The following PCBP3 variants were observed in gnomAD, a reference collection of about 807,000 sequenced individuals.
PCBP3 encodes poly(rC) binding protein 3.
In PCBP3, 25 loss-of-function variants were observed where a neutral mutation model predicts 52.7. The ratio of observed to expected loss-of-function variants is 0.47; its 90% CI spans 0.35 to 0.66. PCBP3 has a LOEUF of 0.66. Among genes scored for constraint, PCBP3 ranks in the 30% least tolerant of loss-of-function variants. PCBP3 has a pLI of 0.01. For synonymous variants in PCBP3, 162 were observed against 183.0 expected (o/e 0.89, Z 0.93); for missense variants, 391 against 490.3 (o/e 0.80, Z 1.91).
rs185687176 is a variant in PCBP3, at chr21:45,742,307, C to T, written c.-162+6878C>T. On this transcript the variant is annotated intron_variant, in intron 3 of 17. Coordinates refer to ENST00000681687, the MANE Select transcript of PCBP3 (RefSeq NM_001384156.1). Reference sequence around the variant, plus strand: ...AGTGCAAGTTTGTACTTGAACAAGGCTGTACCAGAGTGCCTGTGCTGTTGT... The same window carrying T: ...AGTGCAAGTTTGTACTTGAACAAGGTTGTACCAGAGTGCCTGTGCTGTTGT... Among the ~76,000 whole-genome samples, 474 of 152,324 alleles carry T rather than the reference C, an allele frequency of 3.1e-3. 4 individuals are homozygous for T. Among genetic ancestry groups the T allele is most frequent in the South Asian group, 0.017 (83 of 4,826 alleles).
chr21:45,806,981 T>G (rs2839002), intron 4 of PCBP3, among the ~76,000 whole-genome samples: 28,903 of 152,216 alleles, frequency 0.19, 2,933 homozygotes, highest in Middle Eastern at 0.33. Context: ...GGCTTTTCAT[T>G]AATTTTATAT....
chr21:45,812,797 T>A (rs1285658388), intron 4 of PCBP3, among the ~76,000 whole-genome samples: 1 of 152,262 alleles, frequency 6.6e-6, no homozygotes, highest in Non-Finnish European at 1.5e-5. Context: ...TGAAATTCTC[T>A]CTAAAATTTT....
chr21:45,765,079 A>G (rs1203905010), intron 4 of PCBP3, among the ~76,000 whole-genome samples: 1 of 152,196 alleles, frequency 6.6e-6, no homozygotes, highest in Non-Finnish European at 1.5e-5. Flanking sequence ...GTGTGTGCAG[A>G]GGGCATGGGT....
chr21:45,790,067 G>C (rs1426227357), intron 4 of PCBP3, among the ~76,000 whole-genome samples: 2 of 152,186 alleles, frequency 1.3e-5, no homozygotes, highest in Non-Finnish European at 2.9e-5. Context: ...GTGAACCCGG[G>C]AGGCGGAGCT....
chr21:45,812,141 G>A (rs2092701910), intron 4 of PCBP3, among the ~76,000 whole-genome samples: 2 of 152,176 alleles, frequency 1.3e-5, no homozygotes, highest in South Asian at 4.2e-4. Flanking sequence ...TCCTTTTTGG[G>A]GAGGTCGTGT....
chr21:45,733,198 A>C lies in PCBP3; in HGVS notation c.-199-2194A>C, dbSNP rs556224720. On this transcript the variant is annotated intron_variant, in intron 2 of 17. Transcript: ENST00000681687. ...TCTGCATGCTTGATTTGTGTGTTTTAAAAATACTTTTCTTGTCTCTCCTTA... is the reference window on the plus strand; with the variant it reads ...TCTGCATGCTTGATTTGTGTGTTTTCAAAATACTTTTCTTGTCTCTCCTTA... Among the ~76,000 whole-genome samples the C allele has an allele frequency of 3.9e-5, 6 of 152,258 alleles. No homozygotes were observed. In the East Asian group the frequency reaches 1.2e-3, roughly 29 times the overall value.
intron 12 of PCBP3, chr21:45,914,626 TTC>T (rs2096470449): frequency 6.5e-6 from 1 of 153,188 alleles, no homozygotes; most frequent in African/African-American, 2.4e-5. Flanking sequence ...GAGCTCTGTG[TTC>T]TCCCGCCAGG....
At chr21:45,707,857 G>C (rs938111894) in intron 2 of PCBP3, among the ~76,000 whole-genome samples, 5 of 152,180 alleles carry the variant, frequency 3.3e-5, no homozygotes, top group Admixed American at 3.3e-4. Flanking sequence ...AAGACCCCAC[G>C]CTGAAGCATC....
intron 3 of PCBP3, among the ~76,000 whole-genome samples, chr21:45,739,951 T>C (rs1569169171): frequency 6.6e-6 from 1 of 152,244 alleles, no homozygotes; most frequent in African/African-American, 2.4e-5. Context: ...TAGTCTCGTC[T>C]AATTTCACAG....
At chr21:45,872,893 G>A (rs1343660850) in intron 5 of PCBP3, 1 of 152,186 alleles carries the variant, frequency 6.6e-6, no homozygotes, top group Non-Finnish European at 1.5e-5. Context: ...TTAAGATATT[G>A]TCTGATTAGT....
intron 15 of PCBP3, among the ~76,000 whole-genome samples, chr21:45,934,847 T>C (rs1012288268): frequency 1.3e-5 from 2 of 152,184 alleles, no homozygotes; most frequent in African/African-American, 4.8e-5. Flanking sequence ...AGCATCAGTG[T>C]GACCAGCATG....
intron 2 of PCBP3, among the ~76,000 whole-genome samples, chr21:45,703,631 A>G (rs865917771): frequency 1.3e-5 from 2 of 152,174 alleles, no homozygotes; most frequent in African/African-American, 4.8e-5. Flanking sequence ...CAGAGCAATG[A>G]CATGAATAGA....
At chr21:45,772,752 A>G (rs2089973413) in intron 4 of PCBP3, among the ~76,000 whole-genome samples, 1 of 151,650 alleles carries the variant, frequency 6.6e-6, no homozygotes, top group Non-Finnish European at 1.5e-5. Flanking sequence ...TGGCCATTCT[A>G]TTTTTAATAA....
intron 4 of PCBP3, among the ~76,000 whole-genome samples, chr21:45,813,805 A>G (rs180682005): frequency 1.1e-4 from 16 of 152,282 alleles, no homozygotes; most frequent in African/African-American, 3.9e-4. Flanking sequence ...CAATAACCCC[A>G]ATGTGTCTGC....
At chr21:45,884,944 A>G (rs969944032) in intron 5 of PCBP3, among the ~76,000 whole-genome samples, 1 of 152,206 alleles carries the variant, frequency 6.6e-6, no homozygotes, top group Non-Finnish European at 1.5e-5. Context: ...TGCATCAGTC[A>G]TCAATCATAG....
chr21:45,691,899 T>C (rs894550671), intron 2 of PCBP3, among the ~76,000 whole-genome samples: 1 of 152,134 alleles, frequency 6.6e-6, no homozygotes, highest in Non-Finnish European at 1.5e-5. Context: ...TCTGGCAAGT[T>C]CTGGAACTGT....
At chr21:45,823,669 G>C (rs1273471669) in intron 4 of PCBP3, among the ~76,000 whole-genome samples, 1 of 152,070 alleles carries the variant, frequency 6.6e-6, no homozygotes, top group Non-Finnish European at 1.5e-5. Context: ...CATGGGCCTG[G>C]GTTCAGGGAT....
chr21:45,661,136 T>G (rs1249967919), intron 1 of PCBP3, among the ~76,000 whole-genome samples: 1 of 152,366 alleles, frequency 6.6e-6, no homozygotes, highest in South Asian at 2.1e-4. Context: ...GTTACAGTTT[T>G]GTTTTTAATA....
chr21:45,850,092 G>A lies in PCBP3; in HGVS notation c.7G>A (p.Glu3Lys). MG[E>K]GDAFWAPSVL... is the part of the protein sequence containing the mutation. Reference sequence around the variant, plus strand: ...TAAACCTTATAGCCTGCTTATGGGGGAAGGTGAGTTACTGTCTTTTGTTTC... The same window carrying A: ...TAAACCTTATAGCCTGCTTATGGGGAAAGGTGAGTTACTGTCTTTTGTTTC... The change falls in exon 5 of 18, where the codon GAA becomes AAA. Residue 3 changes from glutamate (E) to lysine (K), a missense_variant. Glu to Lys is a moderately conservative substitution (Grantham distance 56). Transcript: ENST00000681687. 6.4e-7 allele frequency: 1 copy of A among 1,550,694 alleles called. No homozygotes were observed. The highest frequency in any genetic ancestry group is 8.7e-7 in the Non-Finnish European group (1 of 1,146,048).
Sources: allele counts gnomAD v4.1 joint callset (sites outside exome capture counted in the v4.1 genomes callset), GRCh38; gene constraint gnomAD v4.1.1; transcripts MANE v1.5; gene names NCBI Gene and HGNC (gene_info 2026-07-23, HGNC 2026-07-21).